The following UGT1A8 variants were observed in gnomAD, a reference collection of about 807,000 sequenced individuals.
The protein encoded by UGT1A8 is UDP-glucuronosyltransferase 1A8.
UGT1A8 carries 39 observed loss-of-function variants against 45.3 expected under a neutral mutation model. The observed-to-expected ratio is 0.86, with a 90% CI of 0.67 to 1.12. UGT1A8 has a LOEUF of 1.12. Ranked by LOEUF, UGT1A8 falls within the 50% of genes most tolerant of loss-of-function variation. UGT1A8 has a pLI of 0.00. For missense variants in UGT1A8, 719 were observed against 664.9 expected (o/e 1.08, Z -0.90); for synonymous variants, 275 against 249.2 (o/e 1.10, Z -0.97).
chr2:233,659,236 A>C (rs2073917012), intron 1 of UGT1A8, among the ~76,000 whole-genome samples: 2 of 152,202 alleles, frequency 1.3e-5, no homozygotes, highest in Non-Finnish European at 2.9e-5. Flanking sequence ...ACCCTTGAAC[A>C]ATGTGGAGAT....
intron 1 of UGT1A8, among the ~76,000 whole-genome samples, chr2:233,646,821 TC>T (rs138544475): frequency 0.018 from 2,770 of 152,340 alleles, 40 homozygotes; most frequent in Admixed American, 0.036. Flanking sequence ...TTTGCCAACC[TC>T]TGCCTGTTAC....
rs753963758 is a variant in UGT1A8 at position 233,707,538 on chromosome 2, C to CT, written c.856-59482dup. 8.4e-3 allele frequency among the ~76,000 whole-genome samples: 1,063 copies of CT among 126,950 alleles called. 7 individuals carry two copies. The highest frequency in any genetic ancestry group is 0.021 in the African/African-American group (741 of 34,780). The allele number at this position is 126,950 out of a possible 152,430, so 83.3% of individuals were successfully genotyped here. A position where few individuals can be genotyped will look rare whatever the true frequency, so the allele number is the denominator to read the frequency against. ...ATTTTACTGTTTTTCTTTGTCTTGC[C>CT]TTTTTTTTTTTTTTGGTTCAACCTT... On this transcript the variant is annotated intron_variant, in intron 1 of 4. Transcript: ENST00000373450.
intron 1 of UGT1A8, among the ~76,000 whole-genome samples, chr2:233,711,537 T>C (rs545731448): frequency 6.6e-6 from 1 of 152,282 alleles, no homozygotes; most frequent in African/African-American, 2.4e-5. Flanking sequence ...TCCCCGGGAA[T>C]CATCCTCCCC....
Position 233,772,483 on chromosome 2 carries a change from G to C in UGT1A8, c.1517G>C (p.Cys506Ser). The change falls in exon 5 of 5, where the codon TGT (cysteine) becomes TCT (serine). Residue 506 changes from cysteine to serine, a missense_variant. Physicochemically the swap from Cys to Ser is moderately radical, Grantham distance 112. Transcript: ENST00000373450. ...ACAGTGGCCTTCATCACCTTTAAAT[G>C]TTGTGCTTATGGCTACCGGAAATGC... ...VLTVAFITFK[C>S]CAYGYRKCLG... The C allele has an allele frequency of 6.2e-7, 1 of 1,614,146 alleles. No individual in the cohort carries two copies. The highest frequency in any genetic ancestry group is 8.5e-7 in the Non-Finnish European group (1 of 1,180,048).
intron 1 of UGT1A8, among the ~76,000 whole-genome samples, chr2:233,697,116 TC>T (rs775779610): frequency 2.6e-5 from 4 of 152,164 alleles, no homozygotes; most frequent in Non-Finnish European, 5.9e-5. Context: ...AAGTATTCTC[TC>T]CTCTTCATTT....
chr2:233,747,400 C>A (rs1293984424), intron 1 of UGT1A8: 3 of 1,606,860 alleles, frequency 1.9e-6, no homozygotes, highest in Non-Finnish European at 2.6e-6. Flanking sequence ...GTCCTCACCC[C>A]AGAGGTGAAT....
chr2:233,717,023 A>G (rs1412989912), intron 1 of UGT1A8, among the ~76,000 whole-genome samples: 5 of 152,160 alleles, frequency 3.3e-5, no homozygotes, highest in Admixed American at 6.5e-5. Flanking sequence ...AGGCACCACC[A>G]TCTTCCAAGA....
chr2:233,672,860 A>T, intron 1 of UGT1A8: 1 of 1,528,356 alleles, frequency 6.5e-7, no homozygotes, highest in Non-Finnish European at 8.8e-7. Flanking sequence ...TCTTTACTGA[A>T]CTGTGATTTG....
rs1014873450 is a variant in UGT1A8, at chr2:233,765,562, T to G, written c.856-1472T>G. Among the ~76,000 whole-genome samples, 9 of 151,822 alleles carry G rather than the reference T, an allele frequency of 5.9e-5. No homozygotes were observed. In the East Asian group the frequency reaches 1.7e-3, roughly 29 times the overall value. Reference sequence around the variant, plus strand: ...ATAAGTGGGAGTTGAACAGTGAGAATGCGTAGACGCAGGGAGGGGAACAAC... The same window carrying G: ...ATAAGTGGGAGTTGAACAGTGAGAAGGCGTAGACGCAGGGAGGGGAACAAC... On this transcript the variant is annotated intron_variant, in intron 1 of 4. Transcript: ENST00000373450.
chr2:233,645,738 G>T (rs993964213), intron 1 of UGT1A8, among the ~76,000 whole-genome samples: 1 of 152,208 alleles, frequency 6.6e-6, no homozygotes, highest in Non-Finnish European at 1.5e-5. Context: ...CACCCCTGTG[G>T]CTTTGCAGGG....
intron 1 of UGT1A8, among the ~76,000 whole-genome samples, chr2:233,689,520 G>A (rs1016831766): frequency 2.6e-5 from 4 of 152,228 alleles, no homozygotes; most frequent in African/African-American, 9.6e-5. Context: ...CATTGGTTTG[G>A]TCATGAGAAG....
chr2:233,660,492 T>C (rs535315433), intron 1 of UGT1A8, among the ~76,000 whole-genome samples: 26 of 152,292 alleles, frequency 1.7e-4, no homozygotes, highest in Middle Eastern at 3.4e-3. Context: ...AGACAAAGCG[T>C]TGGTTTTCAT....
intron 1 of UGT1A8, 122 bp from the exon 2 acceptor site, chr2:233,766,912 T>C: frequency 6.5e-7 from 1 of 1,532,250 alleles, no homozygotes; most frequent in African/African-American, 1.4e-5. Context: ...TTTTACTCTA[T>C]CTCAAACACG....
chr2:233,620,066 G>T (rs566970108), intron 1 of UGT1A8, among the ~76,000 whole-genome samples: 5 of 152,094 alleles, frequency 3.3e-5, no homozygotes, highest in Non-Finnish European at 7.4e-5. Context: ...ATACATTTTT[G>T]TCTATTGTTC....
chr2:233,709,064 A>G (rs1207906961), intron 1 of UGT1A8, among the ~76,000 whole-genome samples: 2 of 152,084 alleles, frequency 1.3e-5, no homozygotes, highest in Non-Finnish European at 2.9e-5. Flanking sequence ...TCCTAGTTAA[A>G]GTTCTTCTGC....
chr2:233,682,155 C>T, intron 1 of UGT1A8: 5 of 1,614,196 alleles, frequency 3.1e-6, no homozygotes, highest in Non-Finnish European at 4.2e-6. Flanking sequence ...CTGAATTGCA[C>T]AGTGAAGACT....
At chr2:233,682,734 T>C in intron 1 of UGT1A8, 1 of 1,613,986 alleles carries the variant, frequency 6.2e-7, no homozygotes, top group Non-Finnish European at 8.5e-7. Context: ...AAACCCGTGA[T>C]GCCCAATATG....
chr2:233,672,776 A>G, intron 1 of UGT1A8: 1 of 1,613,588 alleles, frequency 6.2e-7, no homozygotes, highest in Non-Finnish European at 8.5e-7. Flanking sequence ...CATCAGGGAA[A>G]GCCGTTGCCT....
At chr2:233,662,219 T>C (rs973480230) in intron 1 of UGT1A8, among the ~76,000 whole-genome samples, 2 of 152,214 alleles carry the variant, frequency 1.3e-5, no homozygotes, top group Admixed American at 6.5e-5. Context: ...TTAAAATAGA[T>C]TTGTGTCTAT....
Sources: gnomAD v4.1 joint callset for allele counts (sites outside exome capture counted in the v4.1 genomes callset) on GRCh38, gnomAD v4.1.1 for gene constraint, MANE v1.5 for transcripts, NCBI Gene and HGNC (gene_info 2026-07-23, HGNC 2026-07-21) for gene names.